ENOX1: variants seen among roughly 807,000 people sequenced by gnomAD.
ENOX1 encodes ecto-NOX disulfide-thiol exchanger 1, also known as candidate growth-related and time keeping constitutive hydroquinone (NADH) oxidase.
A neutral mutation model predicts 82.5 loss-of-function variants in ENOX1; 42 were observed. That is an observed-to-expected ratio of 0.51 (90% CI 0.40 to 0.66). The LOEUF (loss-of-function observed/expected upper bound fraction) is 0.66, where lower values mean the gene tolerates loss of function less well. Ranked by LOEUF, ENOX1 falls within the 30% of genes least tolerant of loss-of-function variation. The probability of loss-of-function intolerance (pLI) is 0.00; values close to 1 mark genes in which losing one functional copy is unlikely to be tolerated. For missense variants in ENOX1, 608 were observed against 811.6 expected (o/e 0.75, Z 3.05); for synonymous variants, 271 against 282.2 (o/e 0.96, Z 0.40).
At chr13:43,670,297 T>A (rs978275396) in intron 1 of ENOX1, among the ~76,000 whole-genome samples, 3 of 152,204 alleles carry the variant, frequency 2.0e-5, no homozygotes, top group African/African-American at 7.2e-5. Context: ...GATATGGCAA[T>A]CTTGCATATA....
At chr13:43,726,622 CT>C (rs1440447128) in intron 1 of ENOX1, among the ~76,000 whole-genome samples, 1 of 152,086 alleles carries the variant, frequency 6.6e-6, no homozygotes, top group Non-Finnish European at 1.5e-5. Flanking sequence ...ACACACATGC[CT>C]GAAGGAGAAG....
At chr13:43,425,533 G>A (rs2055245611) in intron 3 of ENOX1, among the ~76,000 whole-genome samples, 1 of 152,114 alleles carries the variant, frequency 6.6e-6, no homozygotes, top group African/African-American at 2.4e-5. Flanking sequence ...GATGGCATTT[G>A]GAGGACTATG....
chr13:43,474,949 G>T (rs1458722865), intron 3 of ENOX1, among the ~76,000 whole-genome samples: 1 of 152,106 alleles, frequency 6.6e-6, no homozygotes, highest in Admixed American at 6.6e-5. Context: ...AAGGGAGAAG[G>T]AGGTAAAGAA....
At chr13:43,472,015 A>T (rs2058090779) in intron 3 of ENOX1, among the ~76,000 whole-genome samples, 1 of 151,900 alleles carries the variant, frequency 6.6e-6, no homozygotes, top group African/African-American at 2.4e-5. Flanking sequence ...TTTCACAAAA[A>T]AAAAGAAAAG....
At chr13:43,497,812 C>T (rs2153665887) in intron 2 of ENOX1, among the ~76,000 whole-genome samples, 1 of 152,172 alleles carries the variant, frequency 6.6e-6, no homozygotes, top group Middle Eastern at 3.4e-3. Context: ...GGTATTTCTT[C>T]TTAAATGTTT....
At chr13:43,559,241 T>C (rs914035573) in intron 2 of ENOX1, among the ~76,000 whole-genome samples, 2 of 152,234 alleles carry the variant, frequency 1.3e-5, no homozygotes, top group African/African-American at 4.8e-5. Context: ...GCAAGGGGCT[T>C]ATTCACAAAA....
chr13:43,402,621 A>C (rs990529348), intron 5 of ENOX1, among the ~76,000 whole-genome samples: 2 of 152,190 alleles, frequency 1.3e-5, no homozygotes, highest in African/African-American at 4.8e-5. Flanking sequence ...TGTAAACTAG[A>C]AGGCAGGCTG....
intron 2 of ENOX1, among the ~76,000 whole-genome samples, chr13:43,490,788 A>G (rs938511677): frequency 5.9e-5 from 9 of 152,186 alleles, no homozygotes; most frequent in African/African-American, 2.2e-4. Flanking sequence ...TAAGCAAACA[A>G]ATTTTTATGC....
At chr13:43,366,915 T>C (rs1205542032) in intron 5 of ENOX1, among the ~76,000 whole-genome samples, 2 of 152,236 alleles carry the variant, frequency 1.3e-5, no homozygotes, top group African/African-American at 2.4e-5. Flanking sequence ...CAATAAATGG[T>C]AGCAATTACA....
intron 9 of ENOX1, among the ~76,000 whole-genome samples, chr13:43,337,131 T>C (rs2048759405): frequency 1.3e-5 from 2 of 152,196 alleles, no homozygotes; most frequent in South Asian, 4.1e-4. Context: ...GAGATCACGG[T>C]TTACTAAAAA....
chr13:43,613,856 C>T (rs573502344), intron 2 of ENOX1, among the ~76,000 whole-genome samples: 31 of 152,032 alleles, frequency 2.0e-4, no homozygotes, highest in African/African-American at 6.5e-4. Flanking sequence ...GCTTGAGCCC[C>T]GGAGGCGGAG....
chr13:43,346,537 C>G (rs113745833), intron 8 of ENOX1, among the ~76,000 whole-genome samples: 1 of 152,230 alleles, frequency 6.6e-6, no homozygotes, highest in Non-Finnish European at 1.5e-5. Flanking sequence ...AACACACTTA[C>G]TGAGTATCGT....
chr13:43,762,639 A>C (rs1951048947), intron 1 of ENOX1, among the ~76,000 whole-genome samples: 1 of 152,156 alleles, frequency 6.6e-6, no homozygotes, highest in Admixed American at 6.6e-5. Context: ...GAAAGTTAAT[A>C]ATCTGGGACA....
At chr13:43,418,202 A>G (rs1469552340) in intron 3 of ENOX1, among the ~76,000 whole-genome samples, 1 of 151,350 alleles carries the variant, frequency 6.6e-6, no homozygotes, top group Non-Finnish European at 1.5e-5. Context: ...GTGAGACTCC[A>G]TCTCTAAAAA....
intron 1 of ENOX1, among the ~76,000 whole-genome samples, chr13:43,781,505 T>C (rs1952254645): frequency 1.3e-5 from 2 of 152,120 alleles, no homozygotes; most frequent in South Asian, 4.1e-4. Context: ...AATCAAATAC[T>C]ACTTTTGTCC....
At chr13:43,586,236 T>C (rs2080977501) in intron 2 of ENOX1, among the ~76,000 whole-genome samples, 1 of 152,182 alleles carries the variant, frequency 6.6e-6, no homozygotes, top group South Asian at 2.1e-4. Context: ...GACATAAATC[T>C]GAAATATCTC....
intron 3 of ENOX1, among the ~76,000 whole-genome samples, chr13:43,445,355 C>T (rs1328439682): frequency 2.6e-5 from 4 of 152,226 alleles, no homozygotes; most frequent in African/African-American, 9.6e-5. Context: ...GATCTCCTGA[C>T]CTCGTGATCT....
chr13:43,778,964 T>C (rs963431110), intron 1 of ENOX1, among the ~76,000 whole-genome samples: 2 of 152,124 alleles, frequency 1.3e-5, no homozygotes, highest in Admixed American at 6.5e-5. Context: ...ATCCTTTCCG[T>C]ACCTCCATCC....
chr13:43,660,835 A>C (rs1049601474), intron 2 of ENOX1, among the ~76,000 whole-genome samples: 1 of 152,204 alleles, frequency 6.6e-6, no homozygotes, highest in Non-Finnish European at 1.5e-5. Flanking sequence ...ATTAGGTATA[A>C]AGTGATCAAT....
Sources: gnomAD v4.1 joint callset for allele counts (sites outside exome capture counted in the v4.1 genomes callset) on GRCh38, gnomAD v4.1.1 for gene constraint, MANE v1.5 for transcripts, NCBI Gene and HGNC (gene_info 2026-07-23, HGNC 2026-07-21) for gene names.